Variants in MYLK observed in about 807,000 individuals in gnomAD.
MYLK encodes myosin light chain kinase, smooth muscle.
Under a neutral mutation model 203.4 loss-of-function variants are expected in MYLK, and 106 were observed. The ratio of observed to expected loss-of-function variants is 0.52; its 90% CI spans 0.45 to 0.61. The LOEUF (loss-of-function observed/expected upper bound fraction) is 0.61. MYLK is among the 20% of genes least tolerant of loss of function. MYLK has a pLI of 0.00. For synonymous variants in MYLK, 867 were observed against 959.5 expected (o/e 0.90, Z 1.78); for missense variants, 2,072 against 2,442.3 (o/e 0.85, Z 3.20).
At chr3:123,658,475 G>A (rs975588824) in intron 23 of MYLK, among the ~76,000 whole-genome samples, 3 of 152,154 alleles carry the variant, frequency 2.0e-5, no homozygotes, top group Non-Finnish European at 2.9e-5. Context: ...TTTTGCAGAT[G>A]GTTGGTTAGT....
rs1454154588 is a variant in MYLK at position 123,752,509 on chromosome 3, T to G, written c.195A>C (p.Thr65=). The G allele has an allele frequency of 6.2e-7, 1 of 1,613,918 alleles. No individual in the cohort carries two copies. Among genetic ancestry groups the G allele is most frequent in the Non-Finnish European group, 8.5e-7 (1 of 1,180,000 alleles). Residue 65 remains threonine (T), a synonymous_variant, in exon 5 of 34, where the codon ACA becomes ACC. Coordinates refer to ENST00000360304, the MANE Select transcript of MYLK (RefSeq NM_053025.4). ...RVRGYPEPQV[T]WHRNGQPITS... is the part of the protein sequence containing the mutation. ...TGATGGGTTGCCCGTTTCTGTGCCA[T>G]GTCACCTGGGGCTCTGGGTAACCCC...
At chr3:123,683,793 T>C (rs73860114) in intron 19 of MYLK, among the ~76,000 whole-genome samples, 1 of 152,086 alleles carries the variant, frequency 6.6e-6, no homozygotes, top group African/African-American at 2.4e-5. Flanking sequence ...TAGGACTACT[T>C]AGCAGTATGT....
intron 13 of MYLK, among the ~76,000 whole-genome samples, chr3:123,711,987 G>A (rs2061712144): frequency 6.6e-6 from 1 of 152,198 alleles, no homozygotes; most frequent in African/African-American, 2.4e-5. Flanking sequence ...TGGATGGGGA[G>A]AGGCTGGGAA....
At chr3:123,701,813 A>G (rs1439843406) in intron 16 of MYLK, among the ~76,000 whole-genome samples, 2 of 152,168 alleles carry the variant, frequency 1.3e-5, no homozygotes, top group Non-Finnish European at 2.9e-5. Context: ...TCAATCACTC[A>G]CTCACTCAAC....
chr3:123,644,064 G>A (rs1576413248), intron 27 of MYLK, among the ~76,000 whole-genome samples: 1 of 152,214 alleles, frequency 6.6e-6, no homozygotes, highest in Admixed American at 6.5e-5. Context: ...TCAGAAGTCA[G>A]AAAGGATGAA....
intron 4 of MYLK, among the ~76,000 whole-genome samples, chr3:123,790,967 C>T (rs1265314121): frequency 6.6e-6 from 1 of 152,174 alleles, no homozygotes; most frequent in African/African-American, 2.4e-5. Context: ...CAAGAAGTTG[C>T]TTGAAGGCAT....
intron 29 of MYLK, among the ~76,000 whole-genome samples, chr3:123,633,760 C>G (rs538489550): frequency 1.3e-5 from 2 of 152,162 alleles, no homozygotes; most frequent in South Asian, 4.1e-4. Flanking sequence ...GATGTGGAAG[C>G]CTGTTTGGCT....
At chr3:123,864,099 T>C (rs1336630674) in intron 2 of MYLK, among the ~76,000 whole-genome samples, 1 of 152,180 alleles carries the variant, frequency 6.6e-6, no homozygotes, top group Admixed American at 6.5e-5. Context: ...AGCCAAAGAA[T>C]ATATACCATA....
At chr3:123,718,174 T>C (rs533432456) in intron 13 of MYLK, among the ~76,000 whole-genome samples, 2 of 152,166 alleles carry the variant, frequency 1.3e-5, no homozygotes, top group Non-Finnish European at 2.9e-5. Context: ...GTTGAGGGAC[T>C]CTTGAAGGTA....
chr3:123,839,416 T>C (rs1185126643), intron 2 of MYLK, among the ~76,000 whole-genome samples: 2 of 152,158 alleles, frequency 1.3e-5, no homozygotes, highest in African/African-American at 4.8e-5. Context: ...GCTATATTAA[T>C]ATCAAACAAA....
chr3:123,619,903 G>C (rs1253107309), intron 32 of MYLK, among the ~76,000 whole-genome samples: 1 of 152,076 alleles, frequency 6.6e-6, no homozygotes, highest in Non-Finnish European at 1.5e-5. Context: ...AACAAAAGAA[G>C]ATTTTAATAC....
At chr3:123,883,279 G>C (rs2033658677) in intron 1 of MYLK, among the ~76,000 whole-genome samples, 1 of 151,972 alleles carries the variant, frequency 6.6e-6, no homozygotes, top group African/African-American at 2.4e-5. Context: ...CCAACGGCCT[G>C]AGGTCTGGCA....
chr3:123,874,548 G>A (rs1295538835), intron 2 of MYLK, among the ~76,000 whole-genome samples: 1 of 152,044 alleles, frequency 6.6e-6, no homozygotes. Context: ...GAAAGCACTG[G>A]AGAAAATCTT....
intron 19 of MYLK, among the ~76,000 whole-genome samples, chr3:123,685,162 G>C (rs878964335): frequency 6.6e-6 from 1 of 152,196 alleles, no homozygotes; most frequent in South Asian, 2.1e-4. Flanking sequence ...GCAACCTTGG[G>C]AACTTGGGCA....
At chr3:123,881,184 A>G (rs1189251013) in intron 1 of MYLK, among the ~76,000 whole-genome samples, 4 of 152,152 alleles carry the variant, frequency 2.6e-5, no homozygotes, top group Non-Finnish European at 5.9e-5. Context: ...GTCACATGGC[A>G]TAGGAGCTCA....
chr3:123,867,421 C>CAA (rs4048400), intron 2 of MYLK, among the ~76,000 whole-genome samples: 805 of 68,714 alleles, frequency 0.012, 11 homozygotes, highest in African/African-American at 0.036. Flanking sequence ...GACTAGTATC[C>CAA]AAAAAAAAAA....
intron 4 of MYLK, among the ~76,000 whole-genome samples, chr3:123,774,256 A>C (rs2063983587): frequency 6.6e-6 from 1 of 152,146 alleles, no homozygotes; most frequent in Non-Finnish European, 1.5e-5. Context: ...GTCACTTCTC[A>C]GCTCTCCTCC....
rs1467047104 is a variant in MYLK at position 123,618,644 on chromosome 3, A to G, written c.5495T>C (p.Ile1832Thr). ...EGSAARFDCKIEGYPDPEVVW... is the reference protein window; with the variant it reads ...EGSAARFDCKTEGYPDPEVVW... Reference sequence around the variant, plus strand: ...GAAGCACAGCTACAACTTACCTTCAATCTTGCAGTCAAATCTAGCAGCACT... The same window carrying G: ...GAAGCACAGCTACAACTTACCTTCAGTCTTGCAGTCAAATCTAGCAGCACT... The change falls in exon 33 of 34, where the codon ATT (isoleucine) becomes ACT (threonine). Residue 1832 changes from isoleucine (I) to threonine (T), a missense_variant. Physicochemically the swap from Ile to Thr is moderately conservative, Grantham distance 89. This residue lies in a region of MYLK where 524 missense variants were observed against 782.4 expected (regional missense o/e 0.67). Coordinates refer to ENST00000360304, the MANE Select transcript of MYLK (RefSeq NM_053025.4). 9 of 1,614,018 alleles carry G rather than the reference A, an allele frequency of 5.6e-6. No individual in the cohort carries two copies. The highest frequency in any genetic ancestry group is 1.1e-5 in the South Asian group (1 of 91,080).
intron 11 of MYLK, among the ~76,000 whole-genome samples, chr3:123,731,530 T>C (rs1191715587): frequency 1.3e-5 from 2 of 152,230 alleles, no homozygotes; most frequent in Non-Finnish European, 2.9e-5. Flanking sequence ...TTCTACTATA[T>C]GGATACATCA....
Sources: gnomAD v4.1 joint callset for allele counts (sites outside exome capture counted in the v4.1 genomes callset) on GRCh38, gnomAD v4.1.1 for gene constraint, gnomAD v4.1.1 regional missense constraint, MANE v1.5 for transcripts, NCBI Gene and HGNC (gene_info 2026-07-23, HGNC 2026-07-21) for gene names.